Variants in LHCGR observed in about 807,000 individuals in gnomAD.
The protein encoded by LHCGR is luteinizing hormone/choriogonadotropin receptor, also known as lutropin-choriogonadotropic hormone receptor.
In LHCGR, 55 loss-of-function variants were observed where a neutral mutation model predicts 60.7. That is an observed-to-expected ratio of 0.91 (90% CI 0.73 to 1.13). The LOEUF (loss-of-function observed/expected upper bound fraction) is 1.13, where lower values mean the gene tolerates loss of function less well. Ranked by LOEUF, LHCGR falls within the 50% of genes most tolerant of loss-of-function variation. The pLI, the probability that LHCGR is intolerant of heterozygous loss-of-function variation, is 0.00. For synonymous variants in LHCGR, 337 were observed against 316.5 expected, an observed-to-expected ratio of 1.06 and a Z score of -0.69; for missense variants, 862 against 836.0, an observed-to-expected ratio of 1.03 and a Z score of -0.38.
chr2:48,714,014 C>A lies in LHCGR; in HGVS notation c.577G>T (p.Ala193Ser). 6.2e-7 allele frequency: 1 copy of A among 1,612,956 alleles called. No individual in the cohort carries two copies. The highest frequency in any genetic ancestry group is 1.3e-5 in the African/African-American group (1 of 75,006). Reference sequence around the variant, plus strand: ...GAAGTCAGTGTCGTCCCATTGAATGCATGACTTTGTACTTCTTCAAATCCA... The same window carrying A: ...GAAGTCAGTGTCGTCCCATTGAATGAATGACTTTGTACTTCTTCAAATCCA... ...GNGFEEVQSH[A>S]FNGTTLTSLE... The change falls in exon 7 of 11, where the codon GCA becomes TCA. Residue 193 changes from alanine to serine, a missense_variant. Coordinates refer to ENST00000294954, the MANE Select transcript of LHCGR (RefSeq NM_000233.4).
intron 10 of LHCGR, among the ~76,000 whole-genome samples, chr2:48,689,214 A>G (rs1184292098): frequency 6.6e-6 from 1 of 151,806 alleles, no homozygotes; most frequent in East Asian, 1.9e-4. Flanking sequence ...ATACATATAT[A>G]TATAACATTG....
chr2:48,708,424 C>G (rs889535256), intron 8 of LHCGR, among the ~76,000 whole-genome samples: 4 of 152,158 alleles, frequency 2.6e-5, no homozygotes, highest in Non-Finnish European at 5.9e-5. Context: ...TTCCCAGTAC[C>G]TCAGACCTTA....
At chr2:48,724,831 A>G (rs1668648493) in intron 4 of LHCGR, among the ~76,000 whole-genome samples, 1 of 152,176 alleles carries the variant, frequency 6.6e-6, no homozygotes, top group Non-Finnish European at 1.5e-5. Context: ...CAGTTCCAGT[A>G]GCAGCTCTTA....
chr2:48,705,395 G>A (rs1478567387), intron 8 of LHCGR, among the ~76,000 whole-genome samples: 1 of 152,206 alleles, frequency 6.6e-6, no homozygotes, highest in African/African-American at 2.4e-5. Flanking sequence ...TTCTGTAGAT[G>A]TCTATTAGGT....
chr2:48,750,823 G>A (rs541219406), intron 1 of LHCGR, among the ~76,000 whole-genome samples: 13 of 152,290 alleles, frequency 8.5e-5, no homozygotes, highest in African/African-American at 2.4e-4. Flanking sequence ...TGCCCCCTCC[G>A]GGGGTCATTT....
chr2:48,744,914 C>A (rs775647470), intron 1 of LHCGR, among the ~76,000 whole-genome samples: 4 of 151,912 alleles, frequency 2.6e-5, no homozygotes, highest in Admixed American at 6.6e-5. Flanking sequence ...AGGCAACCTA[C>A]AAAATGGGAG....
chr2:48,707,244 G>A (rs192382967), intron 8 of LHCGR, among the ~76,000 whole-genome samples: 1 of 152,232 alleles, frequency 6.6e-6, no homozygotes, highest in Admixed American at 6.5e-5. Flanking sequence ...AGCAAGTATT[G>A]CTGACTGATC....
intron 8 of LHCGR, among the ~76,000 whole-genome samples, chr2:48,704,358 G>T (rs536690539): frequency 6.6e-6 from 1 of 152,230 alleles, no homozygotes; most frequent in South Asian, 2.1e-4. Context: ...CCCTCTTTTT[G>T]TGGTGTACTC....
At chr2:48,706,813 G>C (rs57475332) in intron 8 of LHCGR, among the ~76,000 whole-genome samples, 1 of 151,908 alleles carries the variant, frequency 6.6e-6, no homozygotes, top group African/African-American at 2.4e-5. Flanking sequence ...TGGTTTTTTA[G>C]CTTCCTTGTG....
rs146256789 is a variant in LHCGR at position 48,722,282 on chromosome 2, A to C, written c.536+1174T>G. ...AGTGTCCTGTGAAGAACATGGGTTG[A>C]GTTATCTTAGTGGAGTGCTCCTCAA... On this transcript the variant is annotated intron_variant, in intron 6 of 10. Coordinates refer to ENST00000294954, the MANE Select transcript of LHCGR (RefSeq NM_000233.4). 4.7e-3 allele frequency among the ~76,000 whole-genome samples: 713 copies of C among 152,292 alleles called. 4 individuals carry two copies. Among genetic ancestry groups the C allele is most frequent in the Middle Eastern group, 0.01 (3 of 294 alleles).
intron 1 of LHCGR, among the ~76,000 whole-genome samples, chr2:48,747,284 G>C (rs1669751621): frequency 6.6e-6 from 1 of 151,876 alleles, no homozygotes; most frequent in African/African-American, 2.4e-5. Flanking sequence ...TAGAGACAAG[G>C]TTTCACCATG....
intron 6 of LHCGR, among the ~76,000 whole-genome samples, chr2:48,717,290 C>T (rs1490656762): frequency 7.9e-5 from 12 of 152,200 alleles, no homozygotes. Flanking sequence ...CTGTTAGACT[C>T]ACAGTGTCAC....
At chr2:48,689,076 C>T in intron 10 of LHCGR, among the ~76,000 whole-genome samples, 1 of 151,688 alleles carries the variant, frequency 6.6e-6, no homozygotes, top group Non-Finnish European at 1.5e-5. Context: ...TATATACACA[C>T]ATATATACAC....
At chr2:48,725,824 C>A in intron 3 of LHCGR, 74 bp from the exon 4 acceptor site, 1 of 1,244,626 alleles carries the variant, frequency 8.0e-7, no homozygotes, top group Non-Finnish European at 1.2e-6. Context: ...AGATCATGGT[C>A]ACCAGAAGTT....
intron 2 of LHCGR, 78 bp downstream of exon 2, chr2:48,731,149 C>T: frequency 1.0e-6 from 1 of 980,740 alleles, no homozygotes. Context: ...AAATTATCCC[C>T]TTTCAAATGT....
chr2:48,751,525 T>G (rs1669954972), intron 1 of LHCGR, among the ~76,000 whole-genome samples: 1 of 152,246 alleles, frequency 6.6e-6, no homozygotes, highest in African/African-American at 2.4e-5. Flanking sequence ...TGTGAATTCC[T>G]TAGAGCCTTG....
chr2:48,711,731 C>T (rs1360009585), intron 7 of LHCGR, among the ~76,000 whole-genome samples: 1 of 152,062 alleles, frequency 6.6e-6, no homozygotes, highest in Admixed American at 6.6e-5. Flanking sequence ...ATATTCAGTT[C>T]TTTTATTTTT....
intron 6 of LHCGR, among the ~76,000 whole-genome samples, chr2:48,722,538 T>C (rs946045824): frequency 1.1e-4 from 16 of 152,122 alleles, no homozygotes; most frequent in African/African-American, 3.6e-4. Flanking sequence ...GTGCTGTTCT[T>C]GTGATAGAGT....
At chr2:48,716,445 C>T (rs926534184) in intron 6 of LHCGR, among the ~76,000 whole-genome samples, 9 of 152,060 alleles carry the variant, frequency 5.9e-5, no homozygotes, top group Non-Finnish European at 1.0e-4. Context: ...CTGGAGGAGG[C>T]AAACAATAAA....
Sources: allele counts gnomAD v4.1 joint callset (sites outside exome capture counted in the v4.1 genomes callset), GRCh38; gene constraint gnomAD v4.1.1; transcripts MANE v1.5; gene names NCBI Gene and HGNC (gene_info 2026-07-23, HGNC 2026-07-21).